The following TBCD variants were observed in gnomAD, a reference collection of about 807,000 sequenced individuals.
The protein encoded by TBCD is tubulin folding cofactor D, also known as tubulin-specific chaperone D.
Under a neutral mutation model 169.3 loss-of-function variants are expected in TBCD, and 105 were observed. The observed-to-expected ratio is 0.62, with a 90% CI of 0.53 to 0.73. The LOEUF (loss-of-function observed/expected upper bound fraction) is 0.73. Among genes scored for constraint, TBCD ranks in the 30% least tolerant of loss-of-function variants. The pLI, the probability that TBCD is intolerant of heterozygous loss-of-function variation, is 0.00. For synonymous variants in TBCD, 700 were observed against 643.9 expected (o/e 1.09, Z -1.32); for missense variants, 1,444 against 1,600.1 (o/e 0.90, Z 1.66).
Position 82,922,871 on chromosome 17 carries a change from G to T in TBCD, c.2179-781G>T, listed in dbSNP as rs1275570776. On this transcript the variant is annotated intron_variant, in intron 25 of 38. Coordinates refer to ENST00000355528, the MANE Select transcript of TBCD (RefSeq NM_005993.5). The surrounding 1 kb of genome is among the most constrained non-coding windows in gnomAD (Gnocchi z 4.1). ...TGCCACTTGCTGGCTGTGTGGTCAC[G>T]AGAGGCTCCTCCGTAGGTGGCAGAG... Among the ~76,000 whole-genome samples the T allele has an allele frequency of 6.6e-6, 1 of 152,264 alleles. No homozygotes were observed. Among genetic ancestry groups the T allele is most frequent in the African/African-American group, 2.4e-5 (1 of 41,474 alleles).
intron 15 of TBCD, among the ~76,000 whole-genome samples, chr17:82,887,171 G>A (rs12450134): frequency 1.5e-4 from 10 of 66,372 alleles, no homozygotes; most frequent in East Asian, 3.2e-4. Flanking sequence ...GTGTGTGTGC[G>A]CGCGCGCGCA....
intron 6 of TBCD, among the ~76,000 whole-genome samples, chr17:82,778,084 C>G (rs190961434): frequency 6.6e-4 from 100 of 152,276 alleles, no homozygotes; most frequent in Middle Eastern, 3.4e-3. Context: ...CTGGCTTTTC[C>G]TAGGTTATGA....
At chr17:82,838,682 C>G (rs190687792) in intron 13 of TBCD, 3 of 985,432 alleles carry the variant, frequency 3.0e-6, no homozygotes, top group East Asian at 2.3e-4. Context: ...CCCAGCCTTT[C>G]GGTTCTTTAA....
In TBCD at chr17:82,915,935, C is replaced by T. The variant is rs1394806809; in HGVS notation, c.2038+4146C>T. ...TCTGATGCCCTGTACACACCTGCCA[C>T]CTCCCCTGTCCCCTCAGCAGAGACA... On this transcript the variant is annotated intron_variant, in intron 23 of 38. Transcript: ENST00000355528. This position sits in a 1 kb window ranked among gnomAD's most constrained non-coding sequence, Gnocchi z 4.3. Among the ~76,000 whole-genome samples the T allele has an allele frequency of 6.6e-6, 1 of 152,198 alleles. No individual in the cohort carries two copies. Among genetic ancestry groups the T allele is most frequent in the African/African-American group, 2.4e-5 (1 of 41,454 alleles).
At chr17:82,810,525 C>T (rs767577877) in intron 12 of TBCD, among the ~76,000 whole-genome samples, 10 of 71,222 alleles carry the variant, frequency 1.4e-4, no homozygotes, top group Non-Finnish European at 2.6e-4. Flanking sequence ...GTCTTGGGAC[C>T]GTGTGGCTTG....
chr17:82,916,809 T>C (rs1007919792), intron 23 of TBCD, among the ~76,000 whole-genome samples: 1 of 152,114 alleles, frequency 6.6e-6, no homozygotes, highest in Non-Finnish European at 1.5e-5. Flanking sequence ...TCATACTTGT[T>C]CCATAATCTG....
Position 82,752,297 on chromosome 17 carries a change from A to G in TBCD, c.104A>G (p.Glu35Gly). The change falls in exon 1 of 39, where the codon GAG becomes GGG. Residue 35 changes from glutamate to glycine, a missense_variant. Glu to Gly is a moderately conservative substitution (Grantham distance 98). Coordinates refer to ENST00000355528, the MANE Select transcript of TBCD (RefSeq NM_005993.5). ...CTGGAAGCGTTCGGCGAGAGCGCGG[A>G]GACCCGGGCGCTGCTGGGCCGCCTG... Reference protein sequence around the residue: ...AALEAFGESAETRALLGRLRE... With the variant: ...AALEAFGESAGTRALLGRLRE... 1 of 1,509,762 alleles carries G rather than the reference A, an allele frequency of 6.6e-7. No homozygotes were observed. The highest frequency in any genetic ancestry group is 2.7e-5 in the East Asian group (1 of 36,718). 93.5% of individuals were successfully genotyped at this position (1,509,762 alleles called of 1,614,324 possible). A position where few individuals can be genotyped will look rare whatever the true frequency, so the allele number is the denominator to read the frequency against.
At chr17:82,814,337 G>T (rs1251175963) in intron 12 of TBCD, among the ~76,000 whole-genome samples, 2 of 152,170 alleles carry the variant, frequency 1.3e-5, no homozygotes, top group African/African-American at 4.8e-5. Flanking sequence ...GCCCGTACTT[G>T]GAGCGACACC....
At chr17:82,817,861 G>C (rs961166742) in intron 13 of TBCD, among the ~76,000 whole-genome samples, 1 of 152,202 alleles carries the variant, frequency 6.6e-6, no homozygotes, top group African/African-American at 2.4e-5. Flanking sequence ...GCTGACCCCA[G>C]AACCATGAAG....
intron 13 of TBCD, among the ~76,000 whole-genome samples, chr17:82,822,015 G>A (rs866749219): frequency 1.3e-5 from 2 of 152,224 alleles, no homozygotes; most frequent in Non-Finnish European, 1.5e-5. Flanking sequence ...AGACGTACAA[G>A]CAGCGTCTTA....
chr17:82,780,060 G>T (rs1008781970), intron 6 of TBCD, among the ~76,000 whole-genome samples: 4 of 152,188 alleles, frequency 2.6e-5, no homozygotes, highest in African/African-American at 7.2e-5. Flanking sequence ...TAAAGAGGAG[G>T]TGGGCAGGCT....
chr17:82,876,749 G>T (rs534667508), intron 14 of TBCD, among the ~76,000 whole-genome samples: 1 of 152,184 alleles, frequency 6.6e-6, no homozygotes, highest in Non-Finnish European at 1.5e-5. Flanking sequence ...AAATATACAC[G>T]CAACAGCAAC....
In TBCD at chr17:82,868,126, G is replaced by A. The variant is rs182529311; in HGVS notation, c.1319-2098G>A. ...GTAGAGGCGTGGCTGCCGCAGTTGG[G>A]GCGGGCTCTGGGAATGGCGCGGTGT... On this transcript the variant is annotated intron_variant, in intron 13 of 38. Coordinates refer to ENST00000355528, the MANE Select transcript of TBCD (RefSeq NM_005993.5). 3.3e-3 allele frequency among the ~76,000 whole-genome samples: 496 copies of A among 152,290 alleles called. 11 individuals are homozygous for A. Among genetic ancestry groups the A allele is most frequent in the Admixed American group, 0.029 (439 of 15,294 alleles).
At chr17:82,760,154 G>A (rs545919392) in intron 2 of TBCD, among the ~76,000 whole-genome samples, 23 of 151,956 alleles carry the variant, frequency 1.5e-4, no homozygotes, top group South Asian at 8.3e-4. Flanking sequence ...AATTAGAGGC[G>A]TGAGCCACCA....
rs190303308 is a variant in TBCD at position 82,945,447 on chromosome 17, T to C, written c.*2984T>C. The C allele has an allele frequency of 6.6e-6, 1 of 152,224 alleles. No homozygotes were observed. The highest frequency in any genetic ancestry group is 1.5e-5 in the Non-Finnish European group (1 of 68,040). 9.4% of individuals were successfully genotyped at this position (152,224 alleles called of 1,614,324 possible). A position where few individuals can be genotyped will look rare whatever the true frequency, so the allele number is the denominator to read the frequency against. ...GAACTGTAAGAAGGACAGAGTGATA[T>C]AAACGACTACCAATTTCCCAGCAGC... On this transcript the variant is annotated 3_prime_UTR_variant, in exon 39 of 39. Transcript: ENST00000355528.
chr17:82,900,615 C>T (rs757178286), intron 17 of TBCD, 36 bp from the exon 18 acceptor site: 1 of 1,572,330 alleles, frequency 6.4e-7, no homozygotes, highest in Admixed American at 1.7e-5. Flanking sequence ...TCTCGTTCTT[C>T]CGCGTCTCAC....
intron 13 of TBCD, among the ~76,000 whole-genome samples, chr17:82,823,051 G>A (rs1234434117): frequency 6.6e-6 from 1 of 152,242 alleles, no homozygotes; most frequent in African/African-American, 2.4e-5. Flanking sequence ...GGGAAGGGGT[G>A]GAGGACCAGA....
intron 12 of TBCD, among the ~76,000 whole-genome samples, chr17:82,813,298 G>A (rs948048737): frequency 2.0e-5 from 3 of 151,430 alleles, no homozygotes; most frequent in Admixed American, 6.6e-5. Flanking sequence ...TTCCTCTCCC[G>A]CTCATCCGCC....
intron 7 of TBCD, among the ~76,000 whole-genome samples, chr17:82,791,014 G>A (rs1316147305): frequency 6.6e-6 from 1 of 151,894 alleles, no homozygotes; most frequent in Non-Finnish European, 1.5e-5. Context: ...CTGCTTGGTG[G>A]CTTGGGAGCT....
Sources: allele counts gnomAD v4.1 joint callset (sites outside exome capture counted in the v4.1 genomes callset), GRCh38; gene constraint gnomAD v4.1.1; non-coding constraint Gnocchi (gnomAD v3.1); transcripts MANE v1.5; gene names NCBI Gene and HGNC (gene_info 2026-07-23, HGNC 2026-07-21).